Variants in POLA1 observed in about 807,000 individuals in gnomAD.
The protein encoded by POLA1 is DNA polymerase alpha catalytic subunit.
In POLA1, 15 loss-of-function variants were observed where a neutral mutation model predicts 124.0. The ratio of observed to expected loss-of-function variants is 0.12; its 90% CI spans 0.08 to 0.19. The LOEUF (loss-of-function observed/expected upper bound fraction) is 0.19, where lower values mean the gene tolerates loss of function less well. Ranked by LOEUF, POLA1 falls within the 10% of genes least tolerant of loss-of-function variation. The pLI is 1.00. For synonymous variants in POLA1, 408 were observed against 389.4 expected (o/e 1.05, Z -0.56); for missense variants, 886 against 1,103.4 (o/e 0.80, Z 2.79).
chrX:24,696,231 A>G (rs948099008), intron 1 of POLA1, among the ~76,000 whole-genome samples: 3 of 112,224 alleles, frequency 2.7e-5, no homozygotes, highest in Non-Finnish European at 3.8e-5. Context: ...AACCAACTCT[A>G]CCAGATTGGT....
At chrX:24,864,017 T>C (rs2046757644) in intron 34 of POLA1, among the ~76,000 whole-genome samples, 1 of 109,748 alleles carries the variant, frequency 9.1e-6, no homozygotes, top group South Asian at 4.0e-4. Flanking sequence ...AGTCTCGCTC[T>C]GTCACCCAAG....
intron 35 of POLA1, among the ~76,000 whole-genome samples, chrX:24,913,734 A>G (rs778703780): frequency 2.9e-5 from 3 of 105,208 alleles, no homozygotes; most frequent in Admixed American, 1.0e-4. Flanking sequence ...CAAAAAAAAA[A>G]CAGTCATGGT....
At chrX:24,831,825 C>T (rs1415519536) in intron 32 of POLA1, among the ~76,000 whole-genome samples, 1 of 112,426 alleles carries the variant, frequency 8.9e-6, no homozygotes, top group African/African-American at 3.2e-5. Context: ...CTGATAAGAG[C>T]ATCTCTTACA....
chrX:24,956,871 A>C (rs1481422505), intron 36 of POLA1, among the ~76,000 whole-genome samples: 1 of 112,533 alleles, frequency 8.9e-6, no homozygotes, highest in African/African-American at 3.2e-5. Flanking sequence ...GAAACTAAGA[A>C]AATAGGCAGT....
intron 26 of POLA1, among the ~76,000 whole-genome samples, chrX:24,762,298 C>A (rs1033377457): frequency 8.9e-6 from 1 of 111,963 alleles, no homozygotes; most frequent in African/African-American, 3.2e-5. Context: ...ATTCAAGGAC[C>A]TTGTCTTCAT....
chrX:24,906,941 A>G (rs2047376394), intron 35 of POLA1, among the ~76,000 whole-genome samples: 1 of 111,151 alleles, frequency 9.0e-6, no homozygotes, highest in South Asian at 3.8e-4. Flanking sequence ...AAATCCCAAC[A>G]CTTTGGGAGG....
At chrX:24,748,586 T>A in intron 25 of POLA1, 126 bp downstream of exon 25, 1 of 603,628 alleles carries the variant, frequency 1.7e-6, no homozygotes, top group Non-Finnish European at 2.6e-6. Context: ...GGTGACCATT[T>A]AAAAATACTA....
At chrX:24,753,309 C>T (rs1367148577) in intron 26 of POLA1, among the ~76,000 whole-genome samples, 1 of 103,525 alleles carries the variant, frequency 9.7e-6, no homozygotes, top group African/African-American at 3.7e-5. Context: ...TGAGCCACCA[C>T]GCCAGGCCTA....
At chrX:24,837,591 A>G (rs980746305) in intron 32 of POLA1, among the ~76,000 whole-genome samples, 2 of 111,981 alleles carry the variant, frequency 1.8e-5, no homozygotes, top group African/African-American at 6.5e-5. Flanking sequence ...CCATTTGAAA[A>G]TTATTTTTTT....
At chrX:24,865,778 CT>C (rs1226007406) in intron 34 of POLA1, among the ~76,000 whole-genome samples, 1 of 111,407 alleles carries the variant, frequency 9.0e-6, no homozygotes, top group East Asian at 2.8e-4. Context: ...GGTGTTTTAT[CT>C]TTAGTAGAAA....
At chrX:24,901,027 C>T (rs180878161) in intron 35 of POLA1, among the ~76,000 whole-genome samples, 1 of 111,887 alleles carries the variant, frequency 8.9e-6, no homozygotes. Context: ...TTAGTGAGCA[C>T]CTACTCTGGA....
At position 24,973,378 on chromosome X, in the gene POLA1, G is replaced by C. The variant is rs776938971; in HGVS notation, c.4262-22427G>C. Among the ~76,000 whole-genome samples, 3 of 107,661 alleles carry C rather than the reference G, an allele frequency of 2.8e-5. No homozygotes were observed. The South Asian group carries it at 1.2e-3, about 43-fold the overall frequency. 93.5% of individuals were successfully genotyped at this position (107,661 alleles called of 115,157 possible). Reference sequence around the variant, plus strand: ...AAAACTGTCTCAAAAAAAAAGAAAAGGCAAGAAAGAAAAAGAAAGAGAGAG... The same window carrying C: ...AAAACTGTCTCAAAAAAAAAGAAAACGCAAGAAAGAAAAAGAAAGAGAGAG... On this transcript the variant is annotated intron_variant, in intron 36 of 36. Coordinates refer to ENST00000379068, the MANE Select transcript of POLA1 (RefSeq NM_001330360.2).
intron 32 of POLA1, among the ~76,000 whole-genome samples, chrX:24,830,729 A>G (rs1463121009): frequency 8.9e-6 from 1 of 112,163 alleles, no homozygotes. Flanking sequence ...AGTATGCTCA[A>G]ACATCCAAAT....
In POLA1 at chrX:24,801,970, T is replaced by TGTGTGTGTGTGTGTGTGA. The variant is rs1339175196; in HGVS notation, c.2965-7927_2965-7926insTGTGTGTGTGTGTGTGAG. On this transcript the variant is annotated intron_variant, in intron 26 of 36. Coordinates refer to ENST00000379068, the MANE Select transcript of POLA1 (RefSeq NM_001330360.2). ...GTGTGTGTGTGTGTGTGTGTGTGTG[T>TGTGTGTGTGTGTGTGTGA]GACATTTATTGTGGAGGCTGTCAAG... is the stretch of plus-strand genomic sequence containing the variant. 9.4e-5 allele frequency among the ~76,000 whole-genome samples: 10 copies of TGTGTGTGTGTGTGTGTGA among 106,068 alleles called. No homozygotes were observed. The South Asian group carries it at 1.3e-3, about 14-fold the overall frequency. The allele number at this position is 106,068 out of a possible 115,157, so 92.1% of individuals were successfully genotyped here. A position where few individuals can be genotyped will look rare whatever the true frequency, so the allele number is the denominator to read the frequency against.
intron 26 of POLA1, among the ~76,000 whole-genome samples, chrX:24,757,188 G>A (rs1432165629): frequency 1.8e-5 from 2 of 110,564 alleles, no homozygotes; most frequent in Non-Finnish European, 3.8e-5. Context: ...CGTTTCTATT[G>A]TCATATTTCA....
chrX:24,952,719 T>C (rs976015316), intron 36 of POLA1, among the ~76,000 whole-genome samples: 3 of 112,418 alleles, frequency 2.7e-5, no homozygotes, highest in Non-Finnish European at 5.6e-5. Flanking sequence ...TAGTTTGTTG[T>C]CTTTGGATCT....
intron 2 of POLA1, among the ~76,000 whole-genome samples, chrX:24,701,434 CTTTT>C (rs1331309084): frequency 1.1e-5 from 1 of 93,185 alleles, no homozygotes. Flanking sequence ...AGGTAGAACT[CTTTT>C]TTTTTTTTTT....
At chrX:24,746,436 AT>A (rs1932006685) in intron 24 of POLA1, among the ~76,000 whole-genome samples, 1 of 112,125 alleles carries the variant, frequency 8.9e-6, no homozygotes, top group Non-Finnish European at 1.9e-5. Flanking sequence ...CATTTTGCTT[AT>A]TGGAGCTTTC....
chrX:24,801,966 T>TGTGTGA (rs1022323680), intron 26 of POLA1, among the ~76,000 whole-genome samples: 1 of 107,001 alleles, frequency 9.3e-6, no homozygotes, highest in Admixed American at 1.0e-4. Context: ...TGTGTGTGTG[T>TGTGTGA]GTGTGACATT....
Sources: allele counts gnomAD v4.1 joint callset (sites outside exome capture counted in the v4.1 genomes callset), GRCh38; gene constraint gnomAD v4.1.1; transcripts MANE v1.5; gene names NCBI Gene and HGNC (gene_info 2026-07-23, HGNC 2026-07-21).